Variants in KLF7 observed in about 807,000 individuals in gnomAD.
KLF7 encodes KLF transcription factor 7.
KLF7 carries 2 observed loss-of-function variants against 27.3 expected under a neutral mutation model. The observed-to-expected ratio is 0.07, with a 90% CI of 0.03 to 0.23. KLF7 has a LOEUF of 0.23. Among genes scored for constraint, KLF7 ranks in the 10% least tolerant of loss-of-function variants. The probability of loss-of-function intolerance (pLI) is 1.00; values close to 1 mark genes in which losing one functional copy is unlikely to be tolerated. For missense variants in KLF7, 221 were observed against 394.1 expected (o/e 0.56, Z 3.72); for synonymous variants, 165 against 162.4 (o/e 1.02, Z -0.12).
chr2:207,083,986 C>T (rs569554795), intron 3 of KLF7, among the ~76,000 whole-genome samples: 1 of 152,294 alleles, frequency 6.6e-6, no homozygotes, highest in African/African-American at 2.4e-5. Flanking sequence ...GAGTTTAGCC[C>T]AGTGAGACTT....
At chr2:207,165,200 C>T (rs1164412403) in intron 1 of KLF7, among the ~76,000 whole-genome samples, 1 of 152,140 alleles carries the variant, frequency 6.6e-6, no homozygotes, top group Non-Finnish European at 1.5e-5. Context: ...GCAAACCCGA[C>T]AACGTGTGCG....
chr2:207,109,049 G>C (rs967906883), intron 2 of KLF7, among the ~76,000 whole-genome samples: 1 of 152,074 alleles, frequency 6.6e-6, no homozygotes, highest in African/African-American at 2.4e-5. Flanking sequence ...TTCTTTCAAG[G>C]GGTTCAGAGA....
intron 1 of KLF7, among the ~76,000 whole-genome samples, chr2:207,144,117 G>A (rs1425203316): frequency 6.6e-6 from 1 of 150,622 alleles, no homozygotes; most frequent in East Asian, 2.0e-4. Context: ...ATGTAGAGAG[G>A]CTCCCATAAA....
chr2:207,128,628 TAGC>T (rs1259509750), intron 1 of KLF7, among the ~76,000 whole-genome samples: 4 of 152,172 alleles, frequency 2.6e-5, no homozygotes, highest in African/African-American at 9.7e-5. Flanking sequence ...TGATCAAAAT[TAGC>T]AGCACAAGGA....
At chr2:207,106,796 T>C (rs1477276405) in intron 2 of KLF7, among the ~76,000 whole-genome samples, 1 of 152,152 alleles carries the variant, frequency 6.6e-6, no homozygotes, top group South Asian at 2.1e-4. Flanking sequence ...GACCCGGAAA[T>C]AGGCTGAAAG....
At position 207,081,186 on chromosome 2, in the gene KLF7, C is replaced by A. The variant is rs1265946380; in HGVS notation, c.*27G>T. 6.2e-7 allele frequency: 1 copy of A among 1,609,506 alleles called. No homozygotes were observed. The highest frequency in any genetic ancestry group is 1.7e-5 in the Admixed American group (1 of 59,996). ...CGTTTCCTTTAGACACTAGCCGATG[C>A]CATGGCAACTCTGGCCTTTCGGTTT... On this transcript the variant is annotated 3_prime_UTR_variant, in exon 4 of 4. Transcript: ENST00000309446.
intron 2 of KLF7, among the ~76,000 whole-genome samples, chr2:207,090,975 G>T (rs1559113410): frequency 6.6e-6 from 1 of 152,066 alleles, no homozygotes. Flanking sequence ...TAAAACTGGA[G>T]GTTCCTGGAA....
upstream of KLF7, chr2:207,166,025 C>G (rs1430218492): frequency 2.7e-6 from 2 of 739,284 alleles, no homozygotes; most frequent in Non-Finnish European, 3.2e-6. Context: ...CTTCCCCCCC[C>G]TTCCCTTCCC....
chr2:207,099,941 G>C (rs1428615569), intron 2 of KLF7, among the ~76,000 whole-genome samples: 1 of 152,082 alleles, frequency 6.6e-6, no homozygotes, highest in Non-Finnish European at 1.5e-5. Flanking sequence ...ACCAGCCCAG[G>C]CAATGTGGTA....
chr2:207,123,115 T>C (rs2077383354), intron 2 of KLF7, among the ~76,000 whole-genome samples: 2 of 151,968 alleles, frequency 1.3e-5, no homozygotes, highest in East Asian at 1.9e-4. Context: ...AAATACACAA[T>C]CCCCATCCCT....
chr2:207,099,296 G>A (rs1356008430), intron 2 of KLF7, among the ~76,000 whole-genome samples: 1 of 151,952 alleles, frequency 6.6e-6, no homozygotes, highest in East Asian at 1.9e-4. Flanking sequence ...CAGGTGAGAG[G>A]ACTGTGTGTC....
At chr2:207,115,400 T>C (rs373110892) in intron 2 of KLF7, among the ~76,000 whole-genome samples, 3 of 152,208 alleles carry the variant, frequency 2.0e-5, no homozygotes, top group African/African-American at 7.2e-5. Context: ...CTAAGCTTAT[T>C]CTCATTGCAG....
intron 2 of KLF7, among the ~76,000 whole-genome samples, chr2:207,105,123 A>C (rs1481753228): frequency 6.6e-6 from 1 of 152,222 alleles, no homozygotes; most frequent in African/African-American, 2.4e-5. Flanking sequence ...CTTCTCAAAA[A>C]AATCGGTGTC....
chr2:207,101,579 A>C (rs1038880089), intron 2 of KLF7, among the ~76,000 whole-genome samples: 1 of 152,174 alleles, frequency 6.6e-6, no homozygotes, highest in South Asian at 2.1e-4. Context: ...GAGGACCCTT[A>C]AGAATGGACT....
chr2:207,167,223 GA>G, upstream of KLF7: 1 of 1,192,056 alleles, frequency 8.4e-7, no homozygotes, highest in Non-Finnish European at 1.1e-6. Context: ...TTGGGATGTA[GA>G]CATAGAGAGA....
chr2:207,106,213 A>C (rs1449951347), intron 2 of KLF7, among the ~76,000 whole-genome samples: 2 of 152,206 alleles, frequency 1.3e-5, no homozygotes, highest in Non-Finnish European at 2.9e-5. Flanking sequence ...GTGAGCTTTT[A>C]AACGGGGGCA....
At chr2:207,167,934 C>T (rs998529859), upstream of KLF7, among the ~76,000 whole-genome samples, 2 of 152,106 alleles carry the variant, frequency 1.3e-5, no homozygotes, top group African/African-American at 4.8e-5. Flanking sequence ...CTAATAGGAC[C>T]TTTAGGAGAA....
At chr2:207,112,338 C>T (rs188880722) in intron 2 of KLF7, among the ~76,000 whole-genome samples, 5 of 152,172 alleles carry the variant, frequency 3.3e-5, no homozygotes, top group Admixed American at 2.0e-4. Context: ...GATCTTCTCG[C>T]GATCACCTAG....
At position 207,165,943 on chromosome 2, in the gene KLF7, G is replaced by A; in HGVS notation, c.-375C>T. 1 of 1,062,744 alleles carries A rather than the reference G, an allele frequency of 9.4e-7. No homozygotes were observed. Among genetic ancestry groups the A allele is most frequent in the Non-Finnish European group, 1.1e-6 (1 of 876,598 alleles). 65.8% of individuals were successfully genotyped at this position (1,062,744 alleles called of 1,614,324 possible). ...CGAAGCTGCCATCTATTTCTGCAGC[G>A]CTGTTCGCTCCTAATGCAATCTTTG... On this transcript the variant is annotated 5_prime_UTR_variant, in exon 1 of 4. Transcript: ENST00000309446.
Sources: allele counts gnomAD v4.1 joint callset (sites outside exome capture counted in the v4.1 genomes callset), GRCh38; gene constraint gnomAD v4.1.1; transcripts MANE v1.5; gene names NCBI Gene and HGNC (gene_info 2026-07-23, HGNC 2026-07-21).